Variants in BPIFB2 observed in about 807,000 individuals in gnomAD.
The protein encoded by BPIFB2 is BPI fold-containing family B member 2.
A neutral mutation model predicts 50.1 loss-of-function variants in BPIFB2; 39 were observed. The observed-to-expected ratio is 0.78, with a 90% CI of 0.60 to 1.02. BPIFB2 has a LOEUF of 1.02. Among genes scored for constraint, BPIFB2 ranks in the 50% least tolerant of loss-of-function variants. The probability of loss-of-function intolerance (pLI) is 0.00; values close to 1 mark genes in which losing one functional copy is unlikely to be tolerated. For missense variants in BPIFB2, 574 were observed against 585.8 expected, an observed-to-expected ratio of 0.98 and a Z score of 0.21; for synonymous variants, 280 against 256.3, an observed-to-expected ratio of 1.09 and a Z score of -0.88.
Position 33,021,593 on chromosome 20 carries a change from T to G in BPIFB2, c.1259-130T>G, listed in dbSNP as rs1343390726. On this transcript the variant is annotated intron_variant, in intron 14 of 15. Coordinates refer to ENST00000170150, the MANE Select transcript of BPIFB2 (RefSeq NM_025227.3). Reference sequence around the variant, plus strand: ...CTCTCTGAGCCCCAGCTTCCCCTTCTGTAAAAGGGGTATAACAATAATGGC... The same window carrying G: ...CTCTCTGAGCCCCAGCTTCCCCTTCGGTAAAAGGGGTATAACAATAATGGC... 3 of 1,005,526 alleles carry G rather than the reference T, an allele frequency of 3.0e-6. No homozygotes were observed. The African/African-American group carries it at 4.9e-5, about 16-fold the overall frequency. The allele number at this position is 1,005,526 out of a possible 1,614,324, so 62.3% of individuals were successfully genotyped here. A position where few individuals can be genotyped will look rare whatever the true frequency, so the allele number is the denominator to read the frequency against.
Position 33,015,487 on chromosome 20 carries a change from G to A in BPIFB2, c.507G>A (p.Leu169=). ...TGCAGAAGCACATTAAAGCTGTCTT[G>A]AGTAACAAGGTAAAGGGCTTGCAGA... is the stretch of plus-strand genomic sequence containing the variant. ...VLVQKHIKAV[L]SNKLCLSISN... is the part of the protein sequence containing the mutation. The change falls in exon 6 of 16, where the codon TTG becomes TTA. Residue 169 remains leucine (L), a synonymous_variant. Transcript: ENST00000170150. The A allele has an allele frequency of 3.1e-6, 5 of 1,612,708 alleles. No individual in the cohort carries two copies. Among genetic ancestry groups the A allele is most frequent in the Non-Finnish European group, 4.2e-6 (5 of 1,179,036 alleles).
chr20:33,019,511 A>G, intron 10 of BPIFB2, 69 bp from the exon 11 acceptor site: 1 of 1,472,574 alleles, frequency 6.8e-7, no homozygotes, highest in Non-Finnish European at 9.1e-7. Context: ...TCAGCATTTG[A>G]GGAGTGACTG....
chr20:33,021,426 C>G, intron 14 of BPIFB2, 82 bp downstream of exon 14: 2 of 1,450,200 alleles, frequency 1.4e-6, no homozygotes, highest in Middle Eastern at 1.8e-4. Flanking sequence ...TCCCAGCCCC[C>G]TTCCCACCTC....
chr20:33,017,128 G>T (rs1978460456), intron 7 of BPIFB2, 26 bp downstream of exon 7: 10 of 1,609,526 alleles, frequency 6.2e-6, no homozygotes, highest in Non-Finnish European at 8.5e-6. Flanking sequence ...CAGGGGAGGG[G>T]GCTGGGGCCT....
At chr20:33,017,011 C>G (rs777518970) in intron 6 of BPIFB2, 31 bp from the exon 7 acceptor site, 2 of 1,609,566 alleles carry the variant, frequency 1.2e-6, no homozygotes, top group South Asian at 2.2e-5. Context: ...GCTGCCCTAA[C>G]CCCAGCCTCC....
intron 2 of BPIFB2, among the ~76,000 whole-genome samples, chr20:33,010,529 GT>G (rs910441313): frequency 1.3e-5 from 2 of 152,226 alleles, no homozygotes; most frequent in African/African-American, 4.8e-5. Flanking sequence ...GTGAGTAGCA[GT>G]GAGCACTGCG....
At chr20:33,020,899 G>A (rs1363876290) in intron 13 of BPIFB2, among the ~76,000 whole-genome samples, 1 of 152,132 alleles carries the variant, frequency 6.6e-6, no homozygotes, top group Non-Finnish European at 1.5e-5. Context: ...TTGTCAGCCG[G>A]CATGCCATCA....
intron 13 of BPIFB2, 52 bp from the exon 14 acceptor site, chr20:33,021,229 C>T (rs535952781): frequency 1.3e-4 from 211 of 1,589,078 alleles, no homozygotes; most frequent in Admixed American, 1.1e-3. Context: ...CTGTCCATCT[C>T]TCCTGGCCCC....
intron 6 of BPIFB2, 105 bp from the exon 7 acceptor site, chr20:33,016,937 G>T: frequency 2.0e-6 from 2 of 1,008,460 alleles, no homozygotes; most frequent in Non-Finnish European, 1.5e-6. Flanking sequence ...ATGGTGTATG[G>T]GTTGGGGAGG....
intron 3 of BPIFB2, among the ~76,000 whole-genome samples, chr20:33,012,404 G>C (rs1459041076): frequency 1.3e-5 from 2 of 152,158 alleles, no homozygotes; most frequent in African/African-American, 4.8e-5. Context: ...GCTTTGAAGT[G>C]GGGGAGCTTC....
intron 6 of BPIFB2, among the ~76,000 whole-genome samples, chr20:33,016,211 C>T (rs1268783351): frequency 6.6e-6 from 1 of 152,092 alleles, no homozygotes; most frequent in Non-Finnish European, 1.5e-5. Context: ...CCCCACACCC[C>T]CCAGAGGGCG....
intron 14 of BPIFB2, among the ~76,000 whole-genome samples, 170 bp from the exon 15 acceptor site, chr20:33,021,553 A>G (rs528776813): frequency 8.5e-5 from 13 of 152,236 alleles, no homozygotes; most frequent in African/African-American, 3.1e-4. Flanking sequence ...TGTGATCTTC[A>G]CCAAGTTCCT....
At chr20:33,023,256 G>C in intron 15 of BPIFB2, 86 bp from the exon 16 acceptor site, 2 of 1,349,940 alleles carry the variant, frequency 1.5e-6, no homozygotes, top group Non-Finnish European at 2.1e-6. Flanking sequence ...GAATGGCAGA[G>C]CAGAACTCAG....
rs1450030795 is a variant in BPIFB2 at position 33,023,441 on chromosome 20, A to G, written c.*58A>G. 9 of 1,576,394 alleles carry G rather than the reference A, an allele frequency of 5.7e-6. 1 individual carries two copies. The African/African-American group carries it at 6.8e-5, about 12-fold the overall frequency. ...AGCTCGCTGCTCAGGCGAATTTCTC[A>G]TTTCAAGCCACTGGGGAAACTGAGG... is the stretch of plus-strand genomic sequence containing the variant. On this transcript the variant is annotated 3_prime_UTR_variant, in exon 16 of 16. Coordinates refer to ENST00000170150, the MANE Select transcript of BPIFB2 (RefSeq NM_025227.3).
rs1372530830 is a variant in BPIFB2, at chr20:33,018,248, GT to G, written c.578-8del. On this transcript the variant is annotated splice_polypyrimidine_tract_variant and intron_variant, in intron 7 of 15. Transcript: ENST00000170150. Reference sequence around the variant, plus strand: ...ATGCCATCTTTTCTTCTCTACCCTGGTTTCATGAAGGCCTCAACCCCGTGGG... The same window carrying G: ...ATGCCATCTTTTCTTCTCTACCCTGGTTCATGAAGGCCTCAACCCCGTGGG... 2 of 1,598,100 alleles carry G rather than the reference GT, an allele frequency of 1.3e-6. No individual in the cohort carries two copies. Among genetic ancestry groups the G allele is most frequent in the Non-Finnish European group, 1.7e-6 (2 of 1,166,914 alleles).
chr20:33,014,268 G>A (rs770685157), intron 5 of BPIFB2, among the ~76,000 whole-genome samples: 46 of 152,180 alleles, frequency 3.0e-4, no homozygotes, highest in African/African-American at 5.3e-4. Context: ...TGAGGACCTC[G>A]GAGACCCACC....
rs774563198 is a variant in BPIFB2 at position 33,012,822 on chromosome 20, C to T, written c.223C>T (p.His75Tyr). 19 of 1,613,836 alleles carry T rather than the reference C, an allele frequency of 1.2e-5. No individual in the cohort carries two copies. Among genetic ancestry groups the T allele is most frequent in the Non-Finnish European group, 1.5e-5 (18 of 1,179,752 alleles). Reference protein sequence around the residue: ...QPTRIRILNVHVPRLHLKFIA... With the variant: ...QPTRIRILNVYVPRLHLKFIA... ...CTGCAGGATCCGGATTCTGAATGTC[C>T]ATGTGCCCCGCCTCCACCTGAAATT... The change falls in exon 4 of 16, where the codon CAT becomes TAT. Residue 75 changes from histidine (H) to tyrosine (Y), a missense_variant. By Grantham distance (83) the His-to-Tyr change is moderately conservative. Transcript: ENST00000170150.
At chr20:33,022,891 G>T (rs1234608019) in intron 15 of BPIFB2, among the ~76,000 whole-genome samples, 2 of 152,194 alleles carry the variant, frequency 1.3e-5, no homozygotes, top group Non-Finnish European at 2.9e-5. Context: ...CCCAGCACCT[G>T]CCACAGGGCT....
intron 3 of BPIFB2, among the ~76,000 whole-genome samples, chr20:33,012,095 T>G (rs953035556): frequency 2.0e-5 from 3 of 152,126 alleles, no homozygotes; most frequent in Admixed American, 6.5e-5. Flanking sequence ...GCCACCAGTT[T>G]GAGATCCCTT....
Sources: allele counts gnomAD v4.1 joint callset (sites outside exome capture counted in the v4.1 genomes callset), GRCh38; gene constraint gnomAD v4.1.1; transcripts MANE v1.5; gene names NCBI Gene and HGNC (gene_info 2026-07-23, HGNC 2026-07-21).